HDLBP: variants seen among roughly 807,000 people sequenced by gnomAD.
HDLBP encodes the protein high density lipoprotein binding protein.
HDLBP carries 30 observed loss-of-function variants against 137.3 expected under a neutral mutation model. The observed-to-expected ratio is 0.22, with a 90% CI of 0.16 to 0.30. HDLBP has a LOEUF of 0.30. HDLBP is among the 10% of genes least tolerant of loss of function. The pLI is 1.00. For missense variants in HDLBP, 1,119 were observed against 1,667.3 expected, an observed-to-expected ratio of 0.67 and a Z score of 5.73; for synonymous variants, 606 against 596.0, an observed-to-expected ratio of 1.02 and a Z score of -0.24.
chr2:241,242,769 G>T, intron 16 of HDLBP, 91 bp from the exon 17 acceptor site: 1 of 1,120,616 alleles, frequency 8.9e-7, no homozygotes, highest in Non-Finnish European at 1.3e-6. Context: ...TGGTGGTGAT[G>T]AACACGCAGG....
chr2:241,308,499 A>G (rs561108631), intron 1 of HDLBP, among the ~76,000 whole-genome samples: 9 of 152,330 alleles, frequency 5.9e-5, no homozygotes, highest in African/African-American at 2.2e-4. Context: ...GACCTGAGAC[A>G]CCTCAGCCTG....
intron 17 of HDLBP, among the ~76,000 whole-genome samples, chr2:241,241,142 G>T (rs955589251): frequency 6.6e-6 from 1 of 152,044 alleles, no homozygotes; most frequent in Non-Finnish European, 1.5e-5. Context: ...GAAACGCAAG[G>T]CTGGTTAAAC....
intron 4 of HDLBP, among the ~76,000 whole-genome samples, chr2:241,264,086 G>A (rs1354823488): frequency 2.2e-5 from 3 of 138,818 alleles, no homozygotes; most frequent in East Asian, 4.0e-4. Flanking sequence ...AAAACTGGCC[G>A]GGCGCGGTGG....
At chr2:241,298,518 G>A (rs947357581) in intron 1 of HDLBP, among the ~76,000 whole-genome samples, 14 of 152,162 alleles carry the variant, frequency 9.2e-5, no homozygotes, top group African/African-American at 3.4e-4. Context: ...GAAACCATGA[G>A]CCAATATTGA....
At chr2:241,298,061 AAAAAAAAAAAAAAAAAAAAAAG>A (rs1359583538) in intron 1 of HDLBP, among the ~76,000 whole-genome samples, 3 of 139,138 alleles carry the variant, frequency 2.2e-5, no homozygotes, top group African/African-American at 2.6e-5. Flanking sequence ...AAAAAAAAAA[AAAAAAAAAAAAAAAAAAAAAAG>A]GGCCAGGCAT....
chr2:241,298,226 C>T (rs1467170146), intron 1 of HDLBP, among the ~76,000 whole-genome samples: 3 of 151,740 alleles, frequency 2.0e-5, no homozygotes, highest in Admixed American at 1.3e-4. Flanking sequence ...ATTAGCTGGG[C>T]GTGGTGGCGC....
Position 241,256,751 on chromosome 2 carries a change from T to C in HDLBP, c.506A>G (p.Asn169Ser). The C allele has an allele frequency of 2.5e-6, 4 of 1,614,194 alleles. No individual in the cohort carries two copies. Among genetic ancestry groups the C allele is most frequent in the Non-Finnish European group, 3.4e-6 (4 of 1,180,020 alleles). The change falls in exon 6 of 28, where the codon AAT becomes AGT. Residue 169 changes from asparagine to serine, a missense_variant. Asn to Ser is a conservative substitution (Grantham distance 46). Transcript: ENST00000310931. The part of the protein sequence containing the change: ...KEHHRFVIGK[N>S]GEKLQDLELK... ...CTCCAAGTCTTGCAGTTTCTCTCCATTTTTGCCAATAACAAAGCGATGGTG... is the reference window on the plus strand; with the variant it reads ...CTCCAAGTCTTGCAGTTTCTCTCCACTTTTGCCAATAACAAAGCGATGGTG...
At chr2:241,305,885 C>T (rs535922806) in intron 1 of HDLBP, among the ~76,000 whole-genome samples, 1 of 151,726 alleles carries the variant, frequency 6.6e-6, no homozygotes, top group South Asian at 2.1e-4. Flanking sequence ...CTCAGCCTCC[C>T]GAGTAGCTGG....
At chr2:241,245,888 GCA>G (rs1472455374) in intron 16 of HDLBP, among the ~76,000 whole-genome samples, 2 of 152,170 alleles carry the variant, frequency 1.3e-5, no homozygotes, top group Admixed American at 1.3e-4. Context: ...TTTTATAATG[GCA>G]CAGATTACAT....
rs946120620 is a variant in HDLBP, at chr2:241,228,261, GACCAGAAA to G, written c.*1332_*1339del. ...TGGCGGACACAGATAAGGATGTTAA[GACCAGAAA>G]ACCAGAGACTAGGGCCCCGTCCTCA... On this transcript the variant is annotated 3_prime_UTR_variant, in exon 28 of 28. Transcript: ENST00000310931. 6.6e-6 allele frequency: 1 copy of G among 152,320 alleles called. No individual in the cohort carries two copies. Among genetic ancestry groups the G allele is most frequent in the African/African-American group, 2.4e-5 (1 of 41,452 alleles). 9.4% of individuals were successfully genotyped at this position (152,320 alleles called of 1,614,324 possible).
Position 241,242,470 on chromosome 2 carries a change from G to A in HDLBP, c.2159C>T (p.Ala720Val), listed in dbSNP as rs1234910093. Residue 720 changes from alanine (A) to valine (V), a missense_variant, in exon 17 of 28, where the codon GCG (alanine) becomes GTG (valine). This residue lies in a region of HDLBP where 618 missense variants were observed against 816.7 expected (regional missense o/e 0.76). Transcript: ENST00000310931. ...CCTCCCCATGCTCACCTTCTCCTCC[G>A]CCAGATGCAGGAGCTGCTTCTTGGC... The part of the protein sequence containing the change: ...EKAKKQLLHL[A>V]EEKQTKSFTV... 5.6e-6 allele frequency: 9 copies of A among 1,613,458 alleles called. No homozygotes were observed. Among genetic ancestry groups the A allele is most frequent in the Non-Finnish European group, 7.6e-6 (9 of 1,179,506 alleles).
Position 241,253,378 on chromosome 2 carries a change from C to T in HDLBP, c.1293+15G>A. On this transcript the variant is annotated intron_variant, in intron 10 of 27. Transcript: ENST00000310931. ...CTTGTCACCAGCACACACAACATTC[C>T]AAGGGGTACCTTACCAAATCTTTGA... 1.9e-6 allele frequency: 3 copies of T among 1,554,204 alleles called. No homozygotes were observed. Among genetic ancestry groups the T allele is most frequent in the Non-Finnish European group, 2.7e-6 (3 of 1,124,898 alleles).
At position 241,240,451 on chromosome 2, in the gene HDLBP, G is replaced by A. The variant is rs888554091; in HGVS notation, c.2170-329C>T. Among the ~76,000 whole-genome samples the A allele has an allele frequency of 2.6e-5, 4 of 151,610 alleles. No individual in the cohort carries two copies. Among genetic ancestry groups the A allele is most frequent in the East Asian group, 3.8e-4 (2 of 5,200 alleles). On this transcript the variant is annotated intron_variant, in intron 17 of 27. Transcript: ENST00000310931. The surrounding 1 kb of genome is among the most constrained non-coding windows in gnomAD (Gnocchi z 5.5). ...CTGCACAGGGGGAGGTGGGAGCAAC[G>A]CGCCGGACGATATGTTGGCGGAGTG...
intron 2 of HDLBP, 53 bp from the exon 3 acceptor site, chr2:241,266,959 T>C: frequency 7.7e-7 from 1 of 1,304,872 alleles, no homozygotes; most frequent in Non-Finnish European, 1.1e-6. Flanking sequence ...CAATTATCTA[T>C]GAGATTGTTA....
chr2:241,239,627 C>T lies in HDLBP; in HGVS notation c.2585G>A (p.Arg862His), dbSNP rs762020447. 3.5e-5 allele frequency: 57 copies of T among 1,614,048 alleles called. No individual in the cohort carries two copies. The highest frequency in any genetic ancestry group is 4.2e-5 in the Non-Finnish European group (49 of 1,180,032). ...AKDCVEAAKK[R>H]IQEIIEDLEA... The stretch of plus-strand genomic sequence containing the variant: ...CAGGTCCTCAATGATCTCCTGAATG[C>T]GTTTCTTGGCTGCCTCCACACAGTC... The change falls in exon 19 of 28, where the codon CGC becomes CAC. Residue 862 changes from arginine (R) to histidine (H), a missense_variant. This residue lies in a region of HDLBP where 618 missense variants were observed against 816.7 expected (regional missense o/e 0.76). Transcript: ENST00000310931. The surrounding 1 kb of genome is among the most constrained non-coding windows in gnomAD (Gnocchi z 4.6).
intron 12 of HDLBP, among the ~76,000 whole-genome samples, chr2:241,248,852 C>T (rs2071886150): frequency 1.3e-5 from 2 of 152,118 alleles, no homozygotes; most frequent in South Asian, 2.1e-4. Flanking sequence ...TCAACTCCTC[C>T]ACAGGCCCCA....
intron 1 of HDLBP, among the ~76,000 whole-genome samples, chr2:241,282,718 G>A (rs1380463090): frequency 2.0e-5 from 3 of 152,050 alleles, no homozygotes; most frequent in Admixed American, 2.0e-4. Flanking sequence ...AATTGTTTTG[G>A]AGTGCCACAA....
intron 1 of HDLBP, among the ~76,000 whole-genome samples, chr2:241,298,045 CAAAAAAAAAAAAAAAAAA>C (rs71049568): frequency 6.2e-3 from 145 of 23,400 alleles, no homozygotes; most frequent in Non-Finnish European, 8.8e-3. Flanking sequence ...GACCCTGTCT[CAAAAAAAAAAAAAAAAAA>C]AAAAAAAAAA....
chr2:241,290,096 G>A (rs981135468), intron 1 of HDLBP, among the ~76,000 whole-genome samples: 8 of 152,178 alleles, frequency 5.3e-5, no homozygotes, highest in African/African-American at 1.2e-4. Context: ...CATAGTCTTC[G>A]GGGTACACAG....
Sources: allele counts gnomAD v4.1 joint callset (sites outside exome capture counted in the v4.1 genomes callset), GRCh38; gene constraint gnomAD v4.1.1; regional missense constraint gnomAD v4.1.1; non-coding constraint Gnocchi (gnomAD v3.1); transcripts MANE v1.5; gene names NCBI Gene and HGNC (gene_info 2026-07-23, HGNC 2026-07-21).